Variants in NUB1 observed in about 807,000 individuals in gnomAD.
NUB1 encodes the protein negative regulator of ubiquitin like proteins 1, also known as NEDD8 ultimate buster 1.
A neutral mutation model predicts 77.1 loss-of-function variants in NUB1; 41 were observed. The observed-to-expected ratio is 0.53, with a 90% CI of 0.41 to 0.69. The LOEUF (loss-of-function observed/expected upper bound fraction) is 0.69, where lower values mean the gene tolerates loss of function less well. NUB1 is among the 30% of genes least tolerant of loss of function. NUB1 has a pLI of 0.00. For synonymous variants in NUB1, 257 were observed against 281.0 expected, an observed-to-expected ratio of 0.91 and a Z score of 0.85; for missense variants, 643 against 743.8, an observed-to-expected ratio of 0.86 and a Z score of 1.58.
chr7:151,375,996 T>A, intron 13 of NUB1, 53 bp downstream of exon 13: 1 of 1,166,742 alleles, frequency 8.6e-7, no homozygotes, highest in South Asian at 1.2e-5. Flanking sequence ...GTGGGGTTGC[T>A]TGGGGTAACC....
Position 151,345,462 on chromosome 7 carries a change from TA to T in NUB1, c.116del (p.Lys39ArgfsTer11). 1 of 1,522,236 alleles carries T rather than the reference TA, an allele frequency of 6.6e-7. No individual in the cohort carries two copies. Among genetic ancestry groups the T allele is most frequent in the African/African-American group, 1.4e-5 (1 of 72,554 alleles). The allele number at this position is 1,522,236 out of a possible 1,614,324, so 94.3% of individuals were successfully genotyped here. On this transcript the variant is annotated frameshift_variant, in exon 2 of 15. Transcript: ENST00000568733. LOFTEE classifies it high-confidence loss of function. ...TDENKKVGLA[L>X]KDLAKQYSDR... The stretch of plus-strand genomic sequence containing the variant: ...GAAAATAAAAAAGTTGGTTTGGCAT[TA>T]AAGGTATTTTTCTTTTAAGACATCA...
At chr7:151,366,270 C>T (rs1481734190) in intron 8 of NUB1, among the ~76,000 whole-genome samples, 4 of 152,138 alleles carry the variant, frequency 2.6e-5, no homozygotes, top group African/African-American at 9.7e-5. Flanking sequence ...TCAGCTGGGC[C>T]GTTAGAGCCT....
rs552879973 is a variant in NUB1 at position 151,344,870 on chromosome 7, C to G, written c.-2-478C>G. On this transcript the variant is annotated intron_variant, in intron 1 of 14. Transcript: ENST00000568733. ...TGAAAATTAGCCGGGCGTGGTGGCG[C>G]ATGCCTGTAATCCCAGTGAGTAGGG... Among the ~76,000 whole-genome samples the G allele has an allele frequency of 1.3e-3, 205 of 152,180 alleles. 2 individuals carry two copies. The highest frequency in any genetic ancestry group is 2.5e-3 in the Non-Finnish European group (169 of 68,020).
chr7:151,341,967 T>A (rs1584927055), intron 1 of NUB1, 121 bp downstream of exon 1: 1 of 1,325,954 alleles, frequency 7.5e-7, no homozygotes, highest in African/African-American at 1.5e-5. Flanking sequence ...GGGGCGGGGG[T>A]GAGCAGCCAT....
chr7:151,350,430 T>C (rs1796738712), intron 3 of NUB1, among the ~76,000 whole-genome samples: 2 of 152,252 alleles, frequency 1.3e-5, no homozygotes, highest in Non-Finnish European at 2.9e-5. Flanking sequence ...AACGAGGGCC[T>C]TTCCGGGCAC....
At chr7:151,356,051 G>A in intron 6 of NUB1, 77 bp from the exon 7 acceptor site, 1 of 1,552,602 alleles carries the variant, frequency 6.4e-7, no homozygotes, top group South Asian at 1.1e-5. Flanking sequence ...CACCTCAACA[G>A]TCTAACATTT....
intron 8 of NUB1, among the ~76,000 whole-genome samples, chr7:151,364,038 TC>T (rs1347453096): frequency 6.6e-6 from 1 of 150,822 alleles, no homozygotes; most frequent in African/African-American, 2.4e-5. Flanking sequence ...AGGTGATCCG[TC>T]CGCCTCAGCC....
intron 10 of NUB1, among the ~76,000 whole-genome samples, chr7:151,368,281 C>T (rs1471125715): frequency 6.6e-6 from 1 of 152,172 alleles, no homozygotes; most frequent in Non-Finnish European, 1.5e-5. Context: ...TTGCTCCTGT[C>T]AGTGCCTCTT....
At chr7:151,361,497 C>T (rs1381883606) in intron 8 of NUB1, among the ~76,000 whole-genome samples, 1 of 152,192 alleles carries the variant, frequency 6.6e-6, no homozygotes, top group Non-Finnish European at 1.5e-5. Flanking sequence ...CCCAAGGAGT[C>T]CTGGTTCCTC....
chr7:151,355,714 T>C, intron 5 of NUB1, 54 bp from the exon 6 acceptor site: 1 of 1,463,496 alleles, frequency 6.8e-7, no homozygotes, highest in South Asian at 1.3e-5. Flanking sequence ...AATGGACTGT[T>C]ACCTGGTAAG....
chr7:151,342,147 C>T (rs1259206891), intron 1 of NUB1, among the ~76,000 whole-genome samples: 1 of 152,174 alleles, frequency 6.6e-6, no homozygotes, highest in Non-Finnish European at 1.5e-5. Flanking sequence ...ATAAATATGT[C>T]TATAAAAAAT....
At chr7:151,375,401 G>C (rs1798169507) in intron 12 of NUB1, among the ~76,000 whole-genome samples, 1 of 152,116 alleles carries the variant, frequency 6.6e-6, no homozygotes, top group East Asian at 1.9e-4. Context: ...GGAAAGGAAA[G>C]TCTCCACAGG....
chr7:151,349,225 AC>A lies in NUB1; in HGVS notation c.272del (p.Pro91GlnfsTer3). On this transcript the variant is annotated frameshift_variant, in exon 3 of 15. Transcript: ENST00000568733. LOFTEE classifies it high-confidence loss of function. ...TTGCTACAATCGAGGTGTTTTTACC[AC>A]CAAGACTAAAAAAAGTGAGTAATTT... is the stretch of plus-strand genomic sequence containing the variant. ...GIATIEVFLP[P>X]RLKKDRKNLL... The A allele has an allele frequency of 6.2e-7, 1 of 1,608,832 alleles. No homozygotes were observed. The highest frequency in any genetic ancestry group is 8.5e-7 in the Non-Finnish European group (1 of 1,178,300).
At chr7:151,349,412 A>G (rs952044338) in intron 3 of NUB1, among the ~76,000 whole-genome samples, 172 bp downstream of exon 3, 2 of 152,224 alleles carry the variant, frequency 1.3e-5, no homozygotes, top group African/African-American at 4.8e-5. Flanking sequence ...TTAAACTGGA[A>G]CATTCCCAAG....
At chr7:151,374,381 T>C in intron 12 of NUB1, 138 bp downstream of exon 12, 6 of 1,149,288 alleles carry the variant, frequency 5.2e-6, no homozygotes, top group Non-Finnish European at 5.0e-6. Context: ...GGCAGGTTTC[T>C]CCTGGGCTCC....
intron 1 of NUB1, among the ~76,000 whole-genome samples, chr7:151,344,471 C>T (rs978376984): frequency 4.0e-5 from 6 of 150,532 alleles, no homozygotes; most frequent in African/African-American, 7.3e-5. Flanking sequence ...CCACCACGCC[C>T]GGCTAATTGT....
intron 4 of NUB1, 79 bp from the exon 5 acceptor site, chr7:151,352,733 G>A (rs1584943134): frequency 1.1e-6 from 1 of 905,938 alleles, no homozygotes; most frequent in Non-Finnish European, 1.8e-6. Context: ...GTGAGCCACC[G>A]GGCCTGGCTA....
In NUB1 at chr7:151,368,905, C is replaced by T. The variant is rs747672865; in HGVS notation, c.1248+18C>T. ...GCAGAGAGGTACCCACTTTCACATG[C>T]CCTAGCTCTCTTGGGTATGAAAGAA... On this transcript the variant is annotated intron_variant, in intron 11 of 14. Transcript: ENST00000568733. 74 of 1,595,362 alleles carry T rather than the reference C, an allele frequency of 4.6e-5. No individual in the cohort carries two copies. The highest frequency in any genetic ancestry group is 1.8e-4 in the South Asian group (16 of 87,900).
Position 151,349,145 on chromosome 7 carries a change from C to T in NUB1, c.190C>T (p.Arg64Cys), listed in dbSNP as rs371625837. Residue 64 changes from arginine (R) to cysteine (C), a missense_variant, in exon 3 of 15, where the codon CGT becomes TGT. By Grantham distance (180) the Arg-to-Cys change is radical. Coordinates refer to ENST00000568733, the MANE Select transcript of NUB1 (RefSeq NM_001243351.2). ...NEVEKVIEEI[R>C]CKAIERGTGN... ...AGTAGAAAAGGTAATAGAAGAAATA[C>T]GTTGCAAGGCAATTGAGCGTGGAAC... 3.3e-5 allele frequency: 53 copies of T among 1,612,668 alleles called. No homozygotes were observed. The highest frequency in any genetic ancestry group is 4.2e-5 in the Non-Finnish European group (49 of 1,179,438).
Sources: gnomAD v4.1 joint callset for allele counts (sites outside exome capture counted in the v4.1 genomes callset) on GRCh38, gnomAD v4.1.1 for gene constraint, MANE v1.5 for transcripts, NCBI Gene and HGNC (gene_info 2026-07-23, HGNC 2026-07-21) for gene names.